MYH15: variants seen among roughly 807,000 people sequenced by gnomAD.
MYH15 encodes the protein myosin-15.
A neutral mutation model predicts 240.5 loss-of-function variants in MYH15; 227 were observed. The ratio of observed to expected loss-of-function variants is 0.94; its 90% confidence interval spans 0.85 to 1.05. The LOEUF (loss-of-function observed/expected upper bound fraction) is 1.05. Ranked by LOEUF, MYH15 falls within the 50% of genes least tolerant of loss-of-function variation. The probability of loss-of-function intolerance (pLI) is 0.00; values close to 1 mark genes in which losing one functional copy is unlikely to be tolerated. For missense variants in MYH15, 2,217 were observed against 2,247.5 expected (o/e 0.99, Z 0.27); for synonymous variants, 785 against 796.7 (o/e 0.99, Z 0.25).
chr3:108,413,590 T>A (rs1311078656), intron 30 of MYH15, among the ~76,000 whole-genome samples: 1 of 152,216 alleles, frequency 6.6e-6, no homozygotes, highest in Non-Finnish European at 1.5e-5. Context: ...TTCAGTTCTA[T>A]ACCCTGGTAC....
At chr3:108,514,955 G>A (rs942945649), upstream of MYH15, among the ~76,000 whole-genome samples, 6 of 151,952 alleles carry the variant, frequency 3.9e-5, no homozygotes, top group South Asian at 2.1e-4. Context: ...TCAATTCATC[G>A]TCAACTTTTA....
intron 29 of MYH15, 99 bp from the exon 30 acceptor site, chr3:108,414,527 C>G: frequency 9.4e-7 from 1 of 1,061,118 alleles, no homozygotes; most frequent in Non-Finnish European, 1.3e-6. Flanking sequence ...TTAATAACAA[C>G]CTGCCACAAA....
intron 11 of MYH15, among the ~76,000 whole-genome samples, chr3:108,481,732 C>T (rs74865582): frequency 0.041 from 6,168 of 152,170 alleles, 401 homozygotes; most frequent in African/African-American, 0.14. Context: ...TCGCTACTAA[C>T]GGTAGGGATT....
intron 14 of MYH15, among the ~76,000 whole-genome samples, chr3:108,468,333 C>A (rs548630516): frequency 6.6e-6 from 1 of 152,138 alleles, no homozygotes; most frequent in South Asian, 2.1e-4. Context: ...TTTTCTTATA[C>A]GTATACAGAG....
intron 13 of MYH15, 64 bp downstream of exon 13, chr3:108,470,634 C>T (rs558714168): frequency 1.3e-6 from 2 of 1,560,690 alleles, no homozygotes; most frequent in Admixed American, 3.5e-5. Flanking sequence ...TTCCCATCTT[C>T]AAGTAACGTT....
chr3:108,495,220 T>C (rs1057361173), intron 7 of MYH15, among the ~76,000 whole-genome samples: 2 of 152,218 alleles, frequency 1.3e-5, no homozygotes, highest in Non-Finnish European at 2.9e-5. Flanking sequence ...TTTGTTAAAC[T>C]AGGTTTAGAA....
At chr3:108,430,392 T>C (rs1576228656) in intron 26 of MYH15, among the ~76,000 whole-genome samples, 1 of 152,222 alleles carries the variant, frequency 6.6e-6, no homozygotes, top group East Asian at 1.9e-4. Context: ...CAAGTACCTA[T>C]AGAACTTACT....
At chr3:108,384,257 G>A (rs540112516) in intron 39 of MYH15, among the ~76,000 whole-genome samples, 1 of 152,230 alleles carries the variant, frequency 6.6e-6, no homozygotes, top group South Asian at 2.1e-4. Context: ...CCCAGGGATG[G>A]CAAGTACATT....
chr3:108,388,444 T>C (rs1161418510), intron 38 of MYH15, among the ~76,000 whole-genome samples: 1 of 152,194 alleles, frequency 6.6e-6, no homozygotes, highest in Non-Finnish European at 1.5e-5. Context: ...ACAGGTTAGA[T>C]TCAGAAAGCT....
At chr3:108,396,472 A>C (rs1181006770) in intron 35 of MYH15, among the ~76,000 whole-genome samples, 3 of 152,174 alleles carry the variant, frequency 2.0e-5, no homozygotes, top group Non-Finnish European at 4.4e-5. Flanking sequence ...TCCTATGAGA[A>C]TCTAGTGCTG....
At position 108,448,625 on chromosome 3, in the gene MYH15, T is replaced by C. The variant is rs79468744; in HGVS notation, c.2400-3730A>G. 4.1e-3 allele frequency among the ~76,000 whole-genome samples: 626 copies of C among 152,070 alleles called. 8 individuals carry two copies. The highest frequency in any genetic ancestry group is 0.014 in the African/African-American group (599 of 41,532). On this transcript the variant is annotated intron_variant, in intron 21 of 40. Coordinates refer to ENST00000693548, the MANE Select transcript of MYH15 (RefSeq NM_014981.3). ...ATAAAAATTCTCAACAATGTAGGTA[T>C]AGAAGGAAAGTACTGCAACATAATA...
In MYH15 at chr3:108,428,636, C is replaced by G; in HGVS notation, c.3558G>C (p.Lys1186Asn). Residue 1186 changes from lysine (K) to asparagine (N), a missense_variant, in exon 27 of 41, where the codon AAG (lysine) becomes AAC (asparagine). Transcript: ENST00000693548. ...HFETTSASLK[K>N]RHADSLAELE... is the part of the protein sequence containing the mutation. Reference sequence around the variant, plus strand: ...GCTCAGCCAGGCTGTCTGCATGTCTCTTCTTCAAAGATGCAGAAGTTGTCT... The same window carrying G: ...GCTCAGCCAGGCTGTCTGCATGTCTGTTCTTCAAAGATGCAGAAGTTGTCT... 6.2e-7 allele frequency: 1 copy of G among 1,613,888 alleles called. No individual in the cohort carries two copies.
intron 25 of MYH15, 131 bp downstream of exon 25, chr3:108,437,423 C>A (rs2082848379): frequency 2.5e-6 from 3 of 1,208,086 alleles, no homozygotes; most frequent in Non-Finnish European, 3.4e-6. Context: ...AAATTGTTTC[C>A]TAGGCTTGTT....
At chr3:108,435,348 T>C (rs932518629) in intron 25 of MYH15, among the ~76,000 whole-genome samples, 10 of 152,168 alleles carry the variant, frequency 6.6e-5, no homozygotes, top group African/African-American at 2.4e-4. Flanking sequence ...CTCTCTTAAA[T>C]TTTTAAGTAC....
At chr3:108,494,641 G>A (rs1020823711) in intron 7 of MYH15, among the ~76,000 whole-genome samples, 9 of 151,930 alleles carry the variant, frequency 5.9e-5, no homozygotes, top group East Asian at 3.9e-4. Context: ...CTACAGGTGC[G>A]CACCACCACT....
intron 35 of MYH15, among the ~76,000 whole-genome samples, chr3:108,395,482 G>GCA (rs542238375): frequency 1.9e-4 from 29 of 152,128 alleles, no homozygotes; most frequent in Non-Finnish European, 3.8e-4. Context: ...GATGCTCACA[G>GCA]CACAGACTCC....
rs915183201 is a variant in MYH15 at position 108,432,741 on chromosome 3, G to A, written c.3222-1819C>T. ...TGGCTTCAGAGGGTGCAAGCCCCAA[G>A]CCTTGGCAACTTCCACCTGGTATGG... On this transcript the variant is annotated intron_variant, in intron 25 of 40. Transcript: ENST00000693548. Among the ~76,000 whole-genome samples, 3 of 152,198 alleles carry A rather than the reference G, an allele frequency of 2.0e-5. No individual in the cohort carries two copies. In the East Asian group the frequency reaches 5.8e-4, roughly 29 times the overall value.
chr3:108,383,738 AT>A lies in MYH15; in HGVS notation c.5632-10del, dbSNP rs368208731. Reference sequence around the variant, plus strand: ...TGATTGGCTTGTGTTTCCTATAAAAATAAAAAAAAAAAAAAAGAAATCTCCA... The same window carrying A: ...TGATTGGCTTGTGTTTCCTATAAAAAAAAAAAAAAAAAAAAGAAATCTCCA... On this transcript the variant is annotated splice_polypyrimidine_tract_variant and intron_variant, in intron 39 of 40. Transcript: ENST00000693548. 1,207 of 1,286,714 alleles carry A rather than the reference AT, an allele frequency of 9.4e-4. 8 individuals carry two copies. Among genetic ancestry groups the A allele is most frequent in the South Asian group, 1.7e-3 (119 of 68,494 alleles). The allele number at this position is 1,286,714 out of a possible 1,614,324, so 79.7% of individuals were successfully genotyped here.
chr3:108,456,837 A>T lies in MYH15; in HGVS notation c.2067T>A (p.Gly689=). 1.2e-6 allele frequency: 2 copies of T among 1,613,830 alleles called. No homozygotes were observed. Among genetic ancestry groups the T allele is most frequent in the Non-Finnish European group, 1.7e-6 (2 of 1,179,808 alleles). The change falls in exon 19 of 41, where the codon GGT becomes GGA. Residue 689 remains glycine, a synonymous_variant. Transcript: ENST00000693548. ...GGCATATCCTAGTCCCTTCCAAGAC[A>T]CCATTACAGCGCAACTGCTGTAGAA... is the stretch of plus-strand genomic sequence containing the variant. ...YLVLQQLRCN[G]VLEGTRICRE... is the part of the protein sequence containing the mutation.
Sources: allele counts gnomAD v4.1 joint callset (sites outside exome capture counted in the v4.1 genomes callset), GRCh38; gene constraint gnomAD v4.1.1; transcripts MANE v1.5; gene names NCBI Gene and HGNC (gene_info 2026-07-23, HGNC 2026-07-21).